The following MED27 variants were observed in gnomAD, a reference collection of about 807,000 sequenced individuals.
The protein encoded by MED27 is mediator complex subunit 27.
MED27 carries 30 observed loss-of-function variants against 38.2 expected under a neutral mutation model. The ratio of observed to expected loss-of-function variants is 0.79; its 90% CI spans 0.59 to 1.07. MED27 has a LOEUF of 1.07. MED27 is among the 50% of genes least tolerant of loss of function. MED27 has a pLI of 0.00. For synonymous variants in MED27, 122 were observed against 153.5 expected, an observed-to-expected ratio of 0.79 and a Z score of 1.52; for missense variants, 289 against 397.5, an observed-to-expected ratio of 0.73 and a Z score of 2.32.
At chr9:131,933,517 T>C (rs1018456510) in intron 4 of MED27, among the ~76,000 whole-genome samples, 1 of 151,866 alleles carries the variant, frequency 6.6e-6, no homozygotes, top group Non-Finnish European at 1.5e-5. Flanking sequence ...ACACATAAAA[T>C]TAAATACCCT....
chr9:132,002,681 GCAAGCGGA>G (rs1179029279), intron 3 of MED27, among the ~76,000 whole-genome samples: 1 of 152,172 alleles, frequency 6.6e-6, no homozygotes, highest in Non-Finnish European at 1.5e-5. Context: ...GGAGGCTGAG[GCAAGCGGA>G]TCACTTGAGG....
chr9:131,927,262 C>A (rs1830499365), intron 4 of MED27, among the ~76,000 whole-genome samples: 1 of 152,196 alleles, frequency 6.6e-6, no homozygotes. Context: ...CAAGAGGCTG[C>A]AAGTTTAGAT....
chr9:131,957,837 A>C (rs1001828826), intron 3 of MED27, among the ~76,000 whole-genome samples: 1 of 151,088 alleles, frequency 6.6e-6, no homozygotes, highest in Admixed American at 6.6e-5. Flanking sequence ...CTAGCACTTT[A>C]GGAGGTCAAG....
intron 3 of MED27, among the ~76,000 whole-genome samples, chr9:132,001,110 A>G (rs1317658972): frequency 1.3e-5 from 2 of 152,090 alleles, no homozygotes; most frequent in African/African-American, 4.8e-5. Flanking sequence ...AAAGAGAAAA[A>G]AAGAAAAAAA....
At chr9:132,052,957 G>C (rs1045731664) in intron 2 of MED27, among the ~76,000 whole-genome samples, 2 of 152,012 alleles carry the variant, frequency 1.3e-5, no homozygotes, top group Non-Finnish European at 1.5e-5. Context: ...AGGTTCCCAC[G>C]AAAGGGCTGC....
intron 2 of MED27, among the ~76,000 whole-genome samples, chr9:132,063,618 T>C (rs1833745592): frequency 6.6e-6 from 1 of 152,178 alleles, no homozygotes; most frequent in African/African-American, 2.4e-5. Context: ...AAACAAGGGA[T>C]AGGGGAATGT....
intron 3 of MED27, among the ~76,000 whole-genome samples, chr9:131,943,133 T>C (rs1484655946): frequency 6.6e-6 from 1 of 152,174 alleles, no homozygotes; most frequent in African/African-American, 2.4e-5. Context: ...ACAAAGGAGA[T>C]GCAAATTTCT....
chr9:131,935,056 G>T (rs904178816), intron 4 of MED27, among the ~76,000 whole-genome samples: 3 of 152,178 alleles, frequency 2.0e-5, no homozygotes, highest in Admixed American at 2.0e-4. Flanking sequence ...GTTACCAGCG[G>T]CTGAGAAGGG....
intron 2 of MED27, among the ~76,000 whole-genome samples, chr9:132,042,400 G>A (rs536030671): frequency 7.2e-5 from 11 of 152,286 alleles, no homozygotes; most frequent in Admixed American, 5.2e-4. Context: ...CAGGCTTCAC[G>A]AGGTAAAGTC....
At chr9:131,866,463 C>T (rs1265759089) in intron 6 of MED27, among the ~76,000 whole-genome samples, 1 of 146,918 alleles carries the variant, frequency 6.8e-6, no homozygotes, top group African/African-American at 2.6e-5. Flanking sequence ...CCTCTCTTCC[C>T]CCTGCCTCAT....
chr9:131,869,412 C>T, intron 6 of MED27: 2 of 901,946 alleles, frequency 2.2e-6, no homozygotes, highest in Non-Finnish European at 2.6e-6. Flanking sequence ...AAAAAATCTG[C>T]TATTAACTAA....
rs1269455975 is a variant in MED27, at chr9:132,003,039, C to T, written c.479+11298G>A. 1.3e-5 allele frequency among the ~76,000 whole-genome samples: 2 copies of T among 151,818 alleles called. No individual in the cohort carries two copies. The highest frequency in any genetic ancestry group is 1.3e-4 in the Admixed American group (2 of 15,266). ...ACAACCAGCATTAGTTGGGGGACAG[C>T]ATGGTGTGAAGTATTAACAATCCTG... On this transcript the variant is annotated intron_variant, in intron 3 of 7. Transcript: ENST00000292035. This position sits in a 1 kb window ranked among gnomAD's most constrained non-coding sequence, Gnocchi z 4.2.
chr9:131,860,798 T>A lies in MED27; in HGVS notation c.802-126A>T. ...TTTGGCCCCAGAAGATGCCCTGTGA[T>A]TTCACAGGGAGCAGCAGGCGGAACC... On this transcript the variant is annotated intron_variant, in intron 7 of 7. Transcript: ENST00000292035. This position sits in a 1 kb window ranked among gnomAD's most constrained non-coding sequence, Gnocchi z 5.8. 3.8e-6 allele frequency: 4 copies of A among 1,063,566 alleles called. No individual in the cohort carries two copies. The highest frequency in any genetic ancestry group is 5.5e-6 in the Non-Finnish European group (4 of 732,716). The allele number at this position is 1,063,566 out of a possible 1,614,324, so 65.9% of individuals were successfully genotyped here.
intron 2 of MED27, among the ~76,000 whole-genome samples, chr9:132,070,215 G>C (rs996134619): frequency 1.3e-5 from 2 of 152,202 alleles, no homozygotes; most frequent in African/African-American, 4.8e-5. Flanking sequence ...AACCTGGAGA[G>C]AATCCAAAAG....
chr9:131,865,086 C>T (rs952083426), intron 6 of MED27, among the ~76,000 whole-genome samples: 48 of 152,224 alleles, frequency 3.2e-4, no homozygotes, highest in African/African-American at 7.0e-4. Flanking sequence ...AACTTAAAAA[C>T]GCCCACCCAC....
chr9:132,006,797 G>A (rs541287874), intron 3 of MED27, among the ~76,000 whole-genome samples: 2 of 152,078 alleles, frequency 1.3e-5, no homozygotes, highest in Admixed American at 6.5e-5. Flanking sequence ...CAGCAATGAC[G>A]ATCACCCCCC....
At chr9:131,930,144 T>C (rs73553053) in intron 4 of MED27, among the ~76,000 whole-genome samples, 4,006 of 152,310 alleles carry the variant, frequency 0.026, 87 homozygotes, top group South Asian at 0.091. Flanking sequence ...CTAAGTGTCA[T>C]TGGTCTTAAA....
intron 4 of MED27, among the ~76,000 whole-genome samples, chr9:131,898,641 G>A (rs1436457585): frequency 1.3e-5 from 2 of 151,496 alleles, no homozygotes; most frequent in African/African-American, 4.9e-5. Context: ...ATGTTGGAGT[G>A]CAGTGGCACA....
chr9:131,993,846 A>G (rs1255812927), intron 3 of MED27, among the ~76,000 whole-genome samples: 1 of 151,940 alleles, frequency 6.6e-6, no homozygotes, highest in Non-Finnish European at 1.5e-5. Flanking sequence ...ATTTCCTCCT[A>G]CATCCCAAAG....
Sources: allele counts gnomAD v4.1 joint callset (sites outside exome capture counted in the v4.1 genomes callset), GRCh38; gene constraint gnomAD v4.1.1; non-coding constraint Gnocchi (gnomAD v3.1); transcripts MANE v1.5; gene names NCBI Gene and HGNC (gene_info 2026-07-23, HGNC 2026-07-21).